The following CEP250 variants were observed in gnomAD, a reference collection of about 807,000 sequenced individuals.
CEP250 encodes centrosomal protein 250.
A neutral mutation model predicts 315.7 loss-of-function variants in CEP250; 242 were observed. That is an observed-to-expected ratio of 0.77 (90% confidence interval 0.69 to 0.85). The LOEUF (loss-of-function observed/expected upper bound fraction) is 0.85, where lower values mean the gene tolerates loss of function less well. Among genes scored for constraint, CEP250 ranks in the 40% least tolerant of loss-of-function variants. The probability of loss-of-function intolerance (pLI) is 0.00; values close to 1 mark genes in which losing one functional copy is unlikely to be tolerated. For synonymous variants in CEP250, 1,088 were observed against 1,175.0 expected (o/e 0.93, Z 1.51); for missense variants, 2,515 against 2,886.4 (o/e 0.87, Z 2.95).
intron 28 of CEP250, 84 bp downstream of exon 28, chr20:35,500,253 G>A (rs1189396993): frequency 1.1e-5 from 16 of 1,514,962 alleles, no homozygotes; most frequent in Non-Finnish European, 1.4e-5. Flanking sequence ...AGGCCTAGCA[G>A]CCACTCTGTT....
rs533152152 is a variant in CEP250 at position 35,465,975 on chromosome 20, C to A, written c.327-64C>A. 201 of 1,586,740 alleles carry A rather than the reference C, an allele frequency of 1.3e-4. 2 individuals carry two copies. In the South Asian group the frequency reaches 2.3e-3, roughly 18 times the overall value. ...ATTTCAGTGGTTGCCATCTTACTCC[C>A]AGGAGGTCCAAGGGTTGGACTAGAC... On this transcript the variant is annotated intron_variant, in intron 6 of 34. Coordinates refer to ENST00000397527, the MANE Select transcript of CEP250 (RefSeq NM_007186.6).
At chr20:35,469,758 G>T in intron 9 of CEP250, 132 bp from the exon 10 acceptor site, 1 of 539,234 alleles carries the variant, frequency 1.9e-6, no homozygotes, top group Non-Finnish European at 3.3e-6. Context: ...CGGGCTGGGG[G>T]TGCCTAAGGG....
intron 20 of CEP250, among the ~76,000 whole-genome samples, chr20:35,485,063 T>TA (rs1329190352): frequency 3.3e-4 from 18 of 54,734 alleles, no homozygotes; most frequent in Admixed American, 1.8e-3. Context: ...CCCTATCTCT[T>TA]TAAAAAAAAA....
Position 35,512,153 on chromosome 20 carries a change from C to A in CEP250, c.*527C>A. Reference sequence around the variant, plus strand: ...GACAAAGCCCCTGTCCACAGACAGCCTACAGTCCAGTTGATGAGAACAGGC... The same window carrying A: ...GACAAAGCCCCTGTCCACAGACAGCATACAGTCCAGTTGATGAGAACAGGC... On this transcript the variant is annotated 3_prime_UTR_variant, in exon 35 of 35. Transcript: ENST00000397527. The A allele has an allele frequency of 1.9e-6, 1 of 521,870 alleles. No homozygotes were observed. Among genetic ancestry groups the A allele is most frequent in the Non-Finnish European group, 2.5e-6 (1 of 405,042 alleles). 32.3% of individuals were successfully genotyped at this position (521,870 alleles called of 1,614,324 possible).
chr20:35,470,259 A>C (rs1019574114), intron 10 of CEP250: 94 of 478,398 alleles, frequency 2.0e-4, no homozygotes, highest in Non-Finnish European at 2.8e-4. Flanking sequence ...TGGCACATAC[A>C]TTCAGAGACA....
intron 30 of CEP250, among the ~76,000 whole-genome samples, chr20:35,506,482 T>C (rs1406322059): frequency 1.3e-5 from 2 of 152,082 alleles, no homozygotes; most frequent in Non-Finnish European, 2.9e-5. Flanking sequence ...GAAAGCCAAG[T>C]TGGCTCAAGA....
chr20:35,475,780 T>A, intron 15 of CEP250, 134 bp downstream of exon 15: 1 of 895,250 alleles, frequency 1.1e-6, no homozygotes, highest in Non-Finnish European at 1.7e-6. Context: ...CTGGGTTCTC[T>A]ATTCCAACAT....
At position 35,473,904 on chromosome 20, in the gene CEP250, C is replaced by T. The variant is rs2063095059; in HGVS notation, c.1423C>T (p.Leu475=). The change falls in exon 14 of 35, where the codon CTG becomes TTG. Residue 475 remains leucine (L), a synonymous_variant. Transcript: ENST00000397527. ...GCTGCTGCAGAAGGCCAGGGAAGAG[C>T]TGCGGCAGCAGCTGGAGGTGCTAGA... ...RELLQKAREE[L]RQQLEVLEQE... The T allele has an allele frequency of 3.1e-6, 5 of 1,613,280 alleles. No homozygotes were observed. The highest frequency in any genetic ancestry group is 2.7e-5 in the African/African-American group (2 of 74,956).
In CEP250 at chr20:35,488,226, G is replaced by GT. The variant is rs1427648399; in HGVS notation, c.2587-2404dup. On this transcript the variant is annotated intron_variant, in intron 20 of 34. Transcript: ENST00000397527. ...TAACTCACATAGAGCAAATAGATCA[G>GT]TTTTTTTAACACTTGCAACTGCTAT... Among the ~76,000 whole-genome samples the GT allele has an allele frequency of 2.0e-5, 3 of 152,158 alleles. No homozygotes were observed. In the East Asian group the frequency reaches 5.8e-4, roughly 29 times the overall value.
intron 25 of CEP250, among the ~76,000 whole-genome samples, chr20:35,497,386 T>C (rs2063868714): frequency 6.6e-6 from 1 of 152,150 alleles, no homozygotes; most frequent in South Asian, 2.1e-4. Flanking sequence ...ATGGTAGCTA[T>C]GTTATTGTGA....
At chr20:35,499,475 C>T (rs561248770) in intron 27 of CEP250, among the ~76,000 whole-genome samples, 1 of 152,244 alleles carries the variant, frequency 6.6e-6, no homozygotes, top group African/African-American at 2.4e-5. Context: ...TCACAGTGAA[C>T]CTATCAGTCA....
intron 10 of CEP250, among the ~76,000 whole-genome samples, chr20:35,470,300 G>A (rs1289447065): frequency 6.6e-6 from 1 of 152,186 alleles, no homozygotes; most frequent in Non-Finnish European, 1.5e-5. Flanking sequence ...ACCAGGAAGC[G>A]GATATGTGGA....
Position 35,479,357 on chromosome 20 carries a change from C to T in CEP250, c.2221C>T (p.Leu741=). ...GGCCCTAGTACGAGAGAAAGCGGCT[C>T]TAGAGGTGCGGCTGCAGGCCGTGGA... ...KEALVREKAA[L]EVRLQAVERD... Residue 741 remains leucine (L), a synonymous_variant, in exon 18 of 35, where the codon CTA becomes TTA. Transcript: ENST00000397527. The T allele has an allele frequency of 6.2e-7, 1 of 1,614,186 alleles. No homozygotes were observed. The highest frequency in any genetic ancestry group is 8.5e-7 in the Non-Finnish European group (1 of 1,180,028).
At chr20:35,499,824 G>A (rs2063950526) in intron 27 of CEP250, among the ~76,000 whole-genome samples, 1 of 152,142 alleles carries the variant, frequency 6.6e-6, no homozygotes, top group Non-Finnish European at 1.5e-5. Flanking sequence ...GACATAGATA[G>A]GTCAGAAGGG....
chr20:35,491,206 C>T lies in CEP250; in HGVS notation c.2755-6C>T. 1 of 1,611,264 alleles carries T rather than the reference C, an allele frequency of 6.2e-7. No homozygotes were observed. Among genetic ancestry groups the T allele is most frequent in the Non-Finnish European group, 8.5e-7 (1 of 1,179,086 alleles). On this transcript the variant is annotated splice_region_variant and splice_polypyrimidine_tract_variant and intron_variant, in intron 21 of 34. Coordinates refer to ENST00000397527, the MANE Select transcript of CEP250 (RefSeq NM_007186.6). ...CACAAGCTGTTACCCCCCTACCCCT[C>T]CACAGATGCAGCTGGAAACAGAGAA... is the stretch of plus-strand genomic sequence containing the variant.
At position 35,496,616 on chromosome 20, in the gene CEP250, T is replaced by G. The variant is rs61729981; in HGVS notation, c.3207T>G (p.Leu1069=). Residue 1069 remains leucine, a synonymous_variant, in exon 25 of 35, where the codon CTT becomes CTG. Transcript: ENST00000397527. ...TGATGGAAAAGGAACAGAGACTCCT[T>G]GTTTTACAAGAAGCTGACTCTATTC... ...LSLMEKEQRL[L]VLQEADSIRQ... is the part of the protein sequence containing the mutation. The G allele has an allele frequency of 7.0e-5, 113 of 1,614,144 alleles. No homozygotes were observed. The African/African-American group carries it at 1.5e-3, about 21-fold the overall frequency.
intron 20 of CEP250, among the ~76,000 whole-genome samples, chr20:35,488,099 T>A (rs1000547979): frequency 6.6e-6 from 1 of 152,248 alleles, no homozygotes; most frequent in Non-Finnish European, 1.5e-5. Context: ...GGTGGCACTT[T>A]GAACTGGGCA....
Position 35,497,788 on chromosome 20 carries a change from G to A in CEP250, c.3376G>A (p.Glu1126Lys), listed in dbSNP as rs1453675207. 1.3e-6 allele frequency: 2 copies of A among 1,560,548 alleles called. No homozygotes were observed. The highest frequency in any genetic ancestry group is 3.9e-5 in the Admixed American group (2 of 51,898). The change falls in exon 26 of 35, where the codon GAG becomes AAG. Residue 1126 changes from glutamate (E) to lysine (K), a missense_variant. Glu to Lys is a moderately conservative substitution (Grantham distance 56). Transcript: ENST00000397527. ...DFLAQEAQLLEELEASHITEQ... is the reference protein window; with the variant it reads ...DFLAQEAQLLKELEASHITEQ... ...TCTGGCCCAGGAAGCACAGCTGCTGGAGGAGCTGGAGGCGTCTCATATCAC... is the reference window on the plus strand; with the variant it reads ...TCTGGCCCAGGAAGCACAGCTGCTGAAGGAGCTGGAGGCGTCTCATATCAC...
intron 23 of CEP250, 25 bp downstream of exon 23, chr20:35,493,597 C>G: frequency 6.7e-7 from 1 of 1,498,978 alleles, no homozygotes; most frequent in Non-Finnish European, 8.9e-7. Flanking sequence ...CCCACCAAGT[C>G]CCATGGTCCT....
Sources: allele counts gnomAD v4.1 joint callset (sites outside exome capture counted in the v4.1 genomes callset), GRCh38; gene constraint gnomAD v4.1.1; transcripts MANE v1.5; gene names NCBI Gene and HGNC (gene_info 2026-07-23, HGNC 2026-07-21).